Variants in RSBN1L observed in about 807,000 individuals in gnomAD.
The protein encoded by RSBN1L is lysine-specific demethylase RSBN1L.
RSBN1L carries 30 observed loss-of-function variants against 67.7 expected under a neutral mutation model. The observed-to-expected ratio is 0.44, with a 90% CI of 0.33 to 0.60. The LOEUF is 0.60. RSBN1L is among the 20% of genes least tolerant of loss of function. The pLI is 0.02. For missense variants in RSBN1L, 992 were observed against 1,031.7 expected, an observed-to-expected ratio of 0.96 and a Z score of 0.53; for synonymous variants, 433 against 387.0, an observed-to-expected ratio of 1.12 and a Z score of -1.39.
intron 1 of RSBN1L, among the ~76,000 whole-genome samples, chr7:77,702,904 G>A (rs1322325748): frequency 6.6e-6 from 1 of 152,090 alleles, no homozygotes; most frequent in Admixed American, 6.6e-5. Context: ...GATTGGGACT[G>A]TGCCCTTTGA....
chr7:77,713,850 TAAC>T (rs899166730), intron 1 of RSBN1L, among the ~76,000 whole-genome samples: 5 of 152,184 alleles, frequency 3.3e-5, no homozygotes, highest in African/African-American at 1.2e-4. Context: ...CTTTAGTTCA[TAAC>T]AATATTTTCT....
chr7:77,779,061 G>T lies in RSBN1L; in HGVS notation c.2434G>T (p.Asp812Tyr). 6.2e-7 allele frequency: 1 copy of T among 1,613,772 alleles called. No individual in the cohort carries two copies. The highest frequency in any genetic ancestry group is 8.5e-7 in the Non-Finnish European group (1 of 1,179,794). The change falls in exon 8 of 8, where the codon GAT (aspartate) becomes TAT (tyrosine). Residue 812 changes from aspartate to tyrosine, a missense_variant. Coordinates refer to ENST00000334955, the MANE Select transcript of RSBN1L (RefSeq NM_198467.3). ...TTCTAAATTTGAAAATAGCAACAAA[G>T]ATTTAAAGGAAGAATTGTGCCCTGG... ...MDSKFENSNK[D>Y]LKEELCPGNL... is the part of the protein sequence containing the mutation.
Position 77,779,095 on chromosome 7 carries a change from G to C in RSBN1L, c.2468G>C (p.Ser823Thr). 6.2e-7 allele frequency: 1 copy of C among 1,613,394 alleles called. No individual in the cohort carries two copies. Among genetic ancestry groups the C allele is most frequent in the South Asian group, 1.1e-5 (1 of 91,070 alleles). Residue 823 changes from serine to threonine, a missense_variant, in exon 8 of 8, where the codon AGT (serine) becomes ACT (threonine). Ser to Thr is a moderately conservative substitution (Grantham distance 58, BLOSUM62 1). This residue lies in a region of RSBN1L where 199 missense variants were observed against 167.7 expected (regional missense o/e 1.19). Transcript: ENST00000334955. ...LKEELCPGNL[S>T]LVDTRQHSSA... Reference sequence around the variant, plus strand: ...GAAGAATTGTGCCCTGGAAATCTAAGTCTAGTTGATACAAGGCAACACAGT... The same window carrying C: ...GAAGAATTGTGCCCTGGAAATCTAACTCTAGTTGATACAAGGCAACACAGT...
intron 1 of RSBN1L, among the ~76,000 whole-genome samples, chr7:77,715,764 A>G (rs2150414674): frequency 6.6e-6 from 1 of 152,274 alleles, no homozygotes; most frequent in Middle Eastern, 3.4e-3. Flanking sequence ...AAAGAATCCT[A>G]ACTTGATATT....
intron 1 of RSBN1L, among the ~76,000 whole-genome samples, chr7:77,722,758 A>G (rs1791136469): frequency 6.6e-6 from 1 of 151,792 alleles, no homozygotes; most frequent in Non-Finnish European, 1.5e-5. Flanking sequence ...GGAAGGAATA[A>G]TGTAAGAGAG....
At chr7:77,735,577 T>C (rs1283317551) in intron 1 of RSBN1L, among the ~76,000 whole-genome samples, 1 of 152,192 alleles carries the variant, frequency 6.6e-6, no homozygotes, top group Non-Finnish European at 1.5e-5. Context: ...GCAGTATGCA[T>C]GTATACTATA....
chr7:77,701,270 G>A (rs1348078154), intron 1 of RSBN1L, among the ~76,000 whole-genome samples: 2 of 151,086 alleles, frequency 1.3e-5, no homozygotes, highest in African/African-American at 4.9e-5. Context: ...CTGCATAGCT[G>A]TCACCTTGGG....
intron 5 of RSBN1L, among the ~76,000 whole-genome samples, chr7:77,770,190 A>G (rs1791828128): frequency 6.6e-6 from 1 of 152,254 alleles, no homozygotes; most frequent in South Asian, 2.1e-4. Context: ...CCTGGCCAAC[A>G]TGAGGAAACC....
intron 1 of RSBN1L, among the ~76,000 whole-genome samples, chr7:77,707,606 T>G (rs1378307765): frequency 2.0e-5 from 3 of 152,162 alleles, no homozygotes; most frequent in Non-Finnish European, 4.4e-5. Flanking sequence ...GGGATAATAT[T>G]CTGGTTGAAT....
Position 77,697,068 on chromosome 7 carries a change from CGGGGAG to C in RSBN1L, c.586+23_586+28del. 7.3e-7 allele frequency: 1 copy of C among 1,362,410 alleles called. No homozygotes were observed. The highest frequency in any genetic ancestry group is 1.5e-5 in the South Asian group (1 of 64,898). The allele number at this position is 1,362,410 out of a possible 1,614,324, so 84.4% of individuals were successfully genotyped here. ...CCGCTGCCCCGAGGTGGGTGCCGTG[CGGGGAG>C]GGGGAGGGGAGGGCGCCGTGGGTCC... On this transcript the variant is annotated intron_variant, in intron 1 of 7. Transcript: ENST00000334955.
chr7:77,717,214 T>C (rs913646256), intron 1 of RSBN1L, among the ~76,000 whole-genome samples: 1 of 151,374 alleles, frequency 6.6e-6, no homozygotes, highest in Non-Finnish European at 1.5e-5. Context: ...AAGTTGGGAT[T>C]ACAGGCGTCA....
intron 3 of RSBN1L, among the ~76,000 whole-genome samples, chr7:77,756,712 A>C (rs1197626034): frequency 6.6e-6 from 1 of 152,176 alleles, no homozygotes; most frequent in Non-Finnish European, 1.5e-5. Context: ...CAGGAGGCGG[A>C]GGGTGCAGTG....
At chr7:77,741,002 T>A (rs1279079454) in intron 2 of RSBN1L, among the ~76,000 whole-genome samples, 11 of 149,026 alleles carry the variant, frequency 7.4e-5, no homozygotes, top group Admixed American at 2.0e-4. Flanking sequence ...TTTTTTTTTT[T>A]TTGAGACGGA....
chr7:77,744,736 G>A (rs1791459437), intron 2 of RSBN1L, among the ~76,000 whole-genome samples: 2 of 152,086 alleles, frequency 1.3e-5, no homozygotes. Context: ...ACTCTTTAGA[G>A]AATTAACACT....
chr7:77,769,572 A>C (rs1171459121), intron 5 of RSBN1L, among the ~76,000 whole-genome samples: 1 of 152,230 alleles, frequency 6.6e-6, no homozygotes, highest in Non-Finnish European at 1.5e-5. Flanking sequence ...CCTAAGCAAG[A>C]CCAAACAATG....
At chr7:77,747,918 G>C (rs1336670804) in intron 2 of RSBN1L, among the ~76,000 whole-genome samples, 1 of 151,638 alleles carries the variant, frequency 6.6e-6, no homozygotes, top group African/African-American at 2.4e-5. Context: ...TCTCGGGGGG[G>C]AGCTCAGGAA....
intron 2 of RSBN1L, among the ~76,000 whole-genome samples, chr7:77,737,981 C>T (rs1308046103): frequency 6.6e-6 from 1 of 151,504 alleles, no homozygotes; most frequent in Admixed American, 6.6e-5. Flanking sequence ...TGAGATCACC[C>T]CACTGTACTC....
chr7:77,725,948 CT>C lies in RSBN1L; in HGVS notation c.587-10452del, dbSNP rs371255265. 1.9e-4 allele frequency among the ~76,000 whole-genome samples: 28 copies of C among 146,882 alleles called. No individual in the cohort carries two copies. In the South Asian group the frequency reaches 2.1e-3, roughly 11 times the overall value. ...TATATATGCCTTTTTCTGTAACCTG[CT>C]TTTTTTTTTAGTTAACAGTGTGTCT... On this transcript the variant is annotated intron_variant, in intron 1 of 7. Coordinates refer to ENST00000334955, the MANE Select transcript of RSBN1L (RefSeq NM_198467.3).
At chr7:77,768,515 G>A (rs1016460318) in intron 4 of RSBN1L, 146 bp from the exon 5 acceptor site, 2 of 676,748 alleles carry the variant, frequency 3.0e-6, no homozygotes, top group Non-Finnish European at 5.0e-6. Flanking sequence ...AATATATAGG[G>A]ATATATTCAA....
Sources: allele counts gnomAD v4.1 joint callset (sites outside exome capture counted in the v4.1 genomes callset), GRCh38; gene constraint gnomAD v4.1.1; regional missense constraint gnomAD v4.1.1; transcripts MANE v1.5; gene names NCBI Gene and HGNC (gene_info 2026-07-23, HGNC 2026-07-21).